Variants in OCA2 observed in about 807,000 individuals in gnomAD.
OCA2 encodes the protein P protein.
A neutral mutation model predicts 100.2 loss-of-function variants in OCA2; 77 were observed. That is an observed-to-expected ratio of 0.77 (90% CI 0.64 to 0.93). The LOEUF (loss-of-function observed/expected upper bound fraction) is 0.93, where lower values mean the gene tolerates loss of function less well. OCA2 is among the 40% of genes least tolerant of loss of function. OCA2 has a pLI of 0.00. For missense variants in OCA2, 1,062 were observed against 1,089.1 expected (o/e 0.98, Z 0.35); for synonymous variants, 432 against 439.2 (o/e 0.98, Z 0.21).
chr15:28,087,215 A>G (rs532859654), intron 1 of OCA2, among the ~76,000 whole-genome samples: 3 of 152,314 alleles, frequency 2.0e-5, no homozygotes, highest in African/African-American at 7.2e-5. Flanking sequence ...GGAAAAAACA[A>G]TTCAGATGAC....
intron 19 of OCA2, among the ~76,000 whole-genome samples, chr15:27,898,103 G>A (rs1178683279): frequency 2.0e-5 from 3 of 152,324 alleles, no homozygotes; most frequent in East Asian, 3.9e-4. Context: ...GATTTTGCAG[G>A]CTCATAGGCG....
At position 27,957,531 on chromosome 15, in the gene OCA2, C is replaced by A; in HGVS notation, c.1784+57G>T. ...ACAGCTAATGTCGCTATTTTGTAGG[C>A]CCATGGAATGTTCTGCTGCACACCA... On this transcript the variant is annotated intron_variant, in intron 16 of 23. Transcript: ENST00000354638. This position sits in a 1 kb window ranked among gnomAD's most constrained non-coding sequence, Gnocchi z 4.3. 1 of 1,597,928 alleles carries A rather than the reference C, an allele frequency of 6.3e-7. No individual in the cohort carries two copies. The highest frequency in any genetic ancestry group is 1.1e-5 in the South Asian group (1 of 90,744).
intron 1 of OCA2, among the ~76,000 whole-genome samples, chr15:28,094,626 A>G (rs1205891335): frequency 6.6e-6 from 1 of 152,082 alleles, no homozygotes; most frequent in African/African-American, 2.4e-5. Flanking sequence ...CTCAACCCCA[A>G]ATCGTTCGTG....
chr15:27,990,795 C>A lies in OCA2; in HGVS notation c.1045-148G>T, dbSNP rs1007464123. On this transcript the variant is annotated intron_variant, in intron 9 of 23. Transcript: ENST00000354638. ...AGTCATGGGTCTTGATGTTTCAGGCCTGGACACCCCACAGACACATACAGC... is the reference window on the plus strand; with the variant it reads ...AGTCATGGGTCTTGATGTTTCAGGCATGGACACCCCACAGACACATACAGC... The A allele has an allele frequency of 1.1e-5, 8 of 744,288 alleles. No individual in the cohort carries two copies. The Admixed American group carries it at 1.4e-4, about 13-fold the overall frequency. 46.1% of individuals were successfully genotyped at this position (744,288 alleles called of 1,614,324 possible). A position where few individuals can be genotyped will look rare whatever the true frequency, so the allele number is the denominator to read the frequency against.
chr15:28,045,986 T>G (rs1451762968), intron 2 of OCA2, among the ~76,000 whole-genome samples: 1 of 152,118 alleles, frequency 6.6e-6, no homozygotes, highest in East Asian at 1.9e-4. Context: ...AGCTGCTCAG[T>G]GTGGAGTTGC....
At chr15:27,808,297 G>A (rs1173115244) in intron 23 of OCA2, among the ~76,000 whole-genome samples, 1 of 152,244 alleles carries the variant, frequency 6.6e-6, no homozygotes, top group African/African-American at 2.4e-5. Flanking sequence ...TTAAGCTGGG[G>A]AAGTGATGCT....
intron 1 of OCA2, among the ~76,000 whole-genome samples, chr15:28,096,007 C>G (rs1462398287): frequency 6.6e-6 from 1 of 152,242 alleles, no homozygotes; most frequent in Non-Finnish European, 1.5e-5. Context: ...GCTATGCTTG[C>G]AGGGGCCTGG....
In OCA2 at chr15:27,891,779, A is replaced by T. The variant is rs773789194; in HGVS notation, c.2080-19857T>A. ...TGAAATGGCATATTTAAGCATTAAC[A>T]TATCAATAATTACCTTAAATGTAAA... On this transcript the variant is annotated intron_variant, in intron 19 of 23. Transcript: ENST00000354638. Among the ~76,000 whole-genome samples, 22 of 152,220 alleles carry T rather than the reference A, an allele frequency of 1.4e-4. 1 individual carries two copies. Among genetic ancestry groups the T allele is most frequent in the Admixed American group, 1.2e-3 (18 of 15,284 alleles).
chr15:28,071,706 G>A (rs1291793780), intron 2 of OCA2, among the ~76,000 whole-genome samples: 1 of 152,184 alleles, frequency 6.6e-6, no homozygotes, highest in Non-Finnish European at 1.5e-5. Context: ...TGGGATAACT[G>A]GCTAGCCATA....
the OCA2 span, among the ~76,000 whole-genome samples, chr15:27,739,440 CTTTTTTTTTTT>C: frequency 3.0e-5 from 3 of 100,052 alleles, no homozygotes; most frequent in Non-Finnish European, 5.5e-5. Context: ...TAATTTCTTT[CTTTTTTTTTTT>C]TTTTTTTTTT....
chr15:27,805,065 G>A (rs997035370), intron 23 of OCA2, among the ~76,000 whole-genome samples: 1 of 152,220 alleles, frequency 6.6e-6, no homozygotes, highest in Non-Finnish European at 1.5e-5. Context: ...CCCTGCAAGG[G>A]AGGCCCTGCC....
chr15:27,994,398 C>A (rs57376758), intron 9 of OCA2, among the ~76,000 whole-genome samples: 7,528 of 152,168 alleles, frequency 0.049, 543 homozygotes, highest in African/African-American at 0.16. Context: ...GGTTGGGGAC[C>A]ACTGCCTTAA....
chr15:27,896,551 T>C (rs994763105), intron 19 of OCA2: 1 of 404,028 alleles, frequency 2.5e-6, no homozygotes, highest in Non-Finnish European at 4.6e-6. Context: ...GCAAGCTTCC[T>C]CAGAGCTCAG....
chr15:27,815,832 A>G (rs1264200411), intron 23 of OCA2, among the ~76,000 whole-genome samples: 1 of 152,236 alleles, frequency 6.6e-6, no homozygotes, highest in East Asian at 1.9e-4. Flanking sequence ...ATGTTTTACA[A>G]AGAAAATAAT....
At chr15:27,929,986 G>A (rs1266782697) in intron 18 of OCA2, among the ~76,000 whole-genome samples, 1 of 152,056 alleles carries the variant, frequency 6.6e-6, no homozygotes, top group Non-Finnish European at 1.5e-5. Context: ...ACTGACTAAA[G>A]TAAATGTTGA....
At chr15:27,830,888 T>C (rs548035444) in intron 23 of OCA2, among the ~76,000 whole-genome samples, 3 of 152,316 alleles carry the variant, frequency 2.0e-5, no homozygotes, top group South Asian at 2.1e-4. Context: ...CCAAGTTACA[T>C]ACATATAGAA....
downstream of OCA2, among the ~76,000 whole-genome samples, chr15:27,752,936 C>T (rs761334503): frequency 7.2e-5 from 11 of 151,772 alleles, no homozygotes; most frequent in African/African-American, 1.7e-4. Flanking sequence ...CTGGCTGCTG[C>T]GCTAGGGAAA....
At chr15:27,726,300 A>AAAATAAATAAAT in the OCA2 span, among the ~76,000 whole-genome samples, 296 of 146,532 alleles carry the variant, frequency 2.0e-3, no homozygotes, top group South Asian at 3.9e-3. Context: ...TCCAGCTCAA[A>AAAATAAATAAAT]AAATAAATAA....
At chr15:27,866,687 C>T (rs2151476323) in intron 21 of OCA2, among the ~76,000 whole-genome samples, 1 of 152,270 alleles carries the variant, frequency 6.6e-6, no homozygotes. Context: ...TACTGTGGGA[C>T]CCAGAGGGCA....
Sources: allele counts gnomAD v4.1 joint callset (sites outside exome capture counted in the v4.1 genomes callset), GRCh38; gene constraint gnomAD v4.1.1; non-coding constraint Gnocchi (gnomAD v3.1); transcripts MANE v1.5; gene names NCBI Gene and HGNC (gene_info 2026-07-23, HGNC 2026-07-21).